The following ZBTB38 variants were observed in gnomAD, a reference collection of about 807,000 sequenced individuals.
The protein encoded by ZBTB38 is zinc finger and BTB domain-containing protein 38.
Under a neutral mutation model 76.8 loss-of-function variants are expected in ZBTB38, and 20 were observed. The ratio of observed to expected loss-of-function variants is 0.26; its 90% CI spans 0.18 to 0.38. ZBTB38 has a LOEUF of 0.38. Among genes scored for constraint, ZBTB38 ranks in the 10% least tolerant of loss-of-function variants. ZBTB38 has a pLI of 1.00. For synonymous variants in ZBTB38, 504 were observed against 544.2 expected, an observed-to-expected ratio of 0.93 and a Z score of 1.03; for missense variants, 1,082 against 1,482.3, an observed-to-expected ratio of 0.73 and a Z score of 4.43.
chr3:141,409,839 T>A (rs752523787), intron 5 of ZBTB38, among the ~76,000 whole-genome samples: 2 of 152,240 alleles, frequency 1.3e-5, no homozygotes, highest in South Asian at 2.1e-4. Flanking sequence ...CTTGGGGGAT[T>A]GCCCAGAGGG....
chr3:141,415,058 G>GCAT (rs754195087), intron 5 of ZBTB38, among the ~76,000 whole-genome samples: 4 of 151,724 alleles, frequency 2.6e-5, no homozygotes, highest in Non-Finnish European at 4.4e-5. Context: ...CTTGTTTCTG[G>GCAT]CATCATCATC....
chr3:141,420,437 C>G (rs574740331), intron 5 of ZBTB38, among the ~76,000 whole-genome samples: 5 of 152,136 alleles, frequency 3.3e-5, no homozygotes, highest in Admixed American at 6.5e-5. Context: ...ATTCTGCTCC[C>G]AGGAGCTCTG....
At chr3:141,329,611 T>C (rs991623628) in intron 1 of ZBTB38, among the ~76,000 whole-genome samples, 1 of 152,222 alleles carries the variant, frequency 6.6e-6, no homozygotes, top group Non-Finnish European at 1.5e-5. Flanking sequence ...CATGTAGCAG[T>C]GATATTAAGG....
chr3:141,331,070 G>A (rs746658084), intron 1 of ZBTB38, among the ~76,000 whole-genome samples: 7 of 152,212 alleles, frequency 4.6e-5, no homozygotes, highest in Non-Finnish European at 8.8e-5. Context: ...TATATGTAGA[G>A]TTCCTCTGTC....
At chr3:141,380,808 G>A (rs1002038256) in intron 2 of ZBTB38, among the ~76,000 whole-genome samples, 1 of 152,188 alleles carries the variant, frequency 6.6e-6, no homozygotes, top group Non-Finnish European at 1.5e-5. Context: ...TTTCTGAGCT[G>A]CAATGTCATG....
chr3:141,375,396 C>T lies in ZBTB38; in HGVS notation c.-235+5450C>T, dbSNP rs142384473. Among the ~76,000 whole-genome samples, 549 of 152,284 alleles carry T rather than the reference C, an allele frequency of 3.6e-3. 2 individuals are homozygous for T. The highest frequency in any genetic ancestry group is 5.5e-3 in the Non-Finnish European group (375 of 68,012). On this transcript the variant is annotated intron_variant, in intron 2 of 5. Coordinates refer to ENST00000321464, the MANE Select transcript of ZBTB38 (RefSeq NM_001376113.1). The stretch of plus-strand genomic sequence containing the variant: ...ATGAGAAGATTCACTCCTGAGGCAA[C>T]GCCCTGCCTCAGCCAAGGAGCTCTT...
Position 141,445,894 on chromosome 3 carries a change from T to A in ZBTB38, c.3506T>A (p.Leu1169Ter). The A allele has an allele frequency of 1.2e-6, 2 of 1,610,114 alleles. No homozygotes were observed. The highest frequency in any genetic ancestry group is 8.5e-7 in the Non-Finnish European group (1 of 1,179,992). ...GTGTGCCACGAAAACTCAAATCCCT[T>A]GGAGAATCAACATTTCATTGGTTCA... is the stretch of plus-strand genomic sequence containing the variant. The part of the protein sequence containing the change: ...GDVCHENSNP[L>*]ENQHFIGSED... Residue 1169 changes from leucine (L) to a stop codon, truncating the protein, a stop_gained, in exon 6 of 6, where the codon TTG (leucine) becomes TAG (stop). Transcript: ENST00000321464. LOFTEE classifies it high-confidence loss of function. The surrounding 1 kb of genome is among the most constrained non-coding windows in gnomAD (Gnocchi z 6.5).
upstream of ZBTB38, among the ~76,000 whole-genome samples, chr3:141,363,873 C>T (rs1943885446): frequency 6.6e-6 from 1 of 152,060 alleles, no homozygotes; most frequent in Admixed American, 6.6e-5. Context: ...CTATAAAACT[C>T]TCAGAAGAAA....
chr3:141,370,498 T>C (rs1295588153), intron 2 of ZBTB38, among the ~76,000 whole-genome samples: 3 of 152,234 alleles, frequency 2.0e-5, no homozygotes, highest in African/African-American at 7.2e-5. Flanking sequence ...GAAGAGGTAG[T>C]TCTCTCTGGC....
intron 5 of ZBTB38, among the ~76,000 whole-genome samples, chr3:141,425,961 T>A (rs1489782640): frequency 6.6e-6 from 1 of 152,216 alleles, no homozygotes; most frequent in African/African-American, 2.4e-5. Context: ...ATAAATGCAG[T>A]GTGTAGAACG....
intron 5 of ZBTB38, among the ~76,000 whole-genome samples, chr3:141,405,243 A>G (rs1354645287): frequency 2.0e-5 from 3 of 152,140 alleles, no homozygotes; most frequent in Admixed American, 1.3e-4. Flanking sequence ...ACTGTTAGCA[A>G]TTTTCTATTG....
chr3:141,420,709 C>T (rs1303380727), intron 5 of ZBTB38, among the ~76,000 whole-genome samples: 1 of 152,164 alleles, frequency 6.6e-6, no homozygotes, highest in Non-Finnish European at 1.5e-5. Flanking sequence ...CTTTCTGCTG[C>T]TCTGTGGAGG....
chr3:141,407,040 G>A (rs528613843), intron 5 of ZBTB38, among the ~76,000 whole-genome samples: 4 of 152,274 alleles, frequency 2.6e-5, no homozygotes, highest in East Asian at 3.9e-4. Context: ...TGAAAATTCA[G>A]GCTGTTAAAT....
intron 1 of ZBTB38, among the ~76,000 whole-genome samples, chr3:141,345,979 T>G (rs550782797): frequency 2.5e-4 from 38 of 152,236 alleles, no homozygotes; most frequent in African/African-American, 9.2e-4. Context: ...CCGGCAGGGC[T>G]TCGGGGGCAG....
At chr3:141,325,882 A>C (rs1942658756) in intron 1 of ZBTB38, among the ~76,000 whole-genome samples, 1 of 152,216 alleles carries the variant, frequency 6.6e-6, no homozygotes, top group African/African-American at 2.4e-5. Context: ...TAATAAGATG[A>C]TTAAGGTTTT....
intron 5 of ZBTB38, among the ~76,000 whole-genome samples, chr3:141,428,328 G>C (rs542627369): frequency 1.3e-5 from 2 of 152,158 alleles, no homozygotes; most frequent in African/African-American, 4.8e-5. Flanking sequence ...CAAGTCACCT[G>C]CTCTGACTTA....
chr3:141,444,536 C>T lies in ZBTB38; in HGVS notation c.2148C>T (p.Val716=). 1 of 1,614,150 alleles carries T rather than the reference C, an allele frequency of 6.2e-7. No homozygotes were observed. The highest frequency in any genetic ancestry group is 1.1e-5 in the South Asian group (1 of 91,056). Residue 716 remains valine (V), a synonymous_variant, in exon 6 of 6, where the codon GTC becomes GTT. Coordinates refer to ENST00000321464, the MANE Select transcript of ZBTB38 (RefSeq NM_001376113.1). This position sits in a 1 kb window ranked among gnomAD's most constrained non-coding sequence, Gnocchi z 5.1. ...VISYSGSAPS[V]IVHSSQFSSV... ...GCTACAGTGGCTCTGCACCCTCGGTCATTGTACACAGCAGCCAGTTTTCAT... is the reference window on the plus strand; with the variant it reads ...GCTACAGTGGCTCTGCACCCTCGGTTATTGTACACAGCAGCCAGTTTTCAT...
chr3:141,392,691 G>A (rs1949246125), intron 4 of ZBTB38: 1 of 152,194 alleles, frequency 6.6e-6, no homozygotes, highest in Non-Finnish European at 1.5e-5. Context: ...TGCATTGCCA[G>A]GTGACCTCAA....
chr3:141,342,065 G>A (rs962413601), intron 1 of ZBTB38, among the ~76,000 whole-genome samples: 6 of 152,152 alleles, frequency 3.9e-5, no homozygotes, highest in South Asian at 2.1e-4. Flanking sequence ...GGTGGCTCAC[G>A]CCTGTAATCC....
Sources: gnomAD v4.1 joint callset for allele counts (sites outside exome capture counted in the v4.1 genomes callset) on GRCh38, gnomAD v4.1.1 for gene constraint, Gnocchi (gnomAD v3.1) non-coding constraint, MANE v1.5 for transcripts, NCBI Gene and HGNC (gene_info 2026-07-23, HGNC 2026-07-21) for gene names.